KIF6: variants seen among roughly 807,000 people sequenced by gnomAD.
The protein encoded by KIF6 is kinesin-like protein KIF6.
In KIF6, 106 loss-of-function variants were observed where a neutral mutation model predicts 112.7. The ratio of observed to expected loss-of-function variants is 0.94; its 90% CI spans 0.80 to 1.11. KIF6 has a LOEUF of 1.11. KIF6 is among the 50% of genes least tolerant of loss of function. The pLI is 0.00. For missense variants in KIF6, 929 were observed against 964.0 expected (o/e 0.96, Z 0.48); for synonymous variants, 339 against 339.9 (o/e 1.00, Z 0.03).
intron 3 of KIF6, among the ~76,000 whole-genome samples, chr6:39,645,034 T>C (rs7768177): frequency 3.3e-4 from 51 of 152,284 alleles, no homozygotes; most frequent in African/African-American, 1.1e-3. Flanking sequence ...CTTCCTAAAA[T>C]CAACAATGCA....
intron 10 of KIF6, among the ~76,000 whole-genome samples, chr6:39,573,790 T>A (rs1401259401): frequency 6.6e-6 from 1 of 152,240 alleles, no homozygotes; most frequent in Non-Finnish European, 1.5e-5. Context: ...TATCTTCTCA[T>A]AATGTTTATA....
chr6:39,560,457 G>A (rs759997314), intron 10 of KIF6, among the ~76,000 whole-genome samples: 1 of 152,126 alleles, frequency 6.6e-6, no homozygotes, highest in African/African-American at 2.4e-5. Context: ...ATCTGTTTAC[G>A]CATCTTTAAA....
intron 3 of KIF6, among the ~76,000 whole-genome samples, chr6:39,698,346 G>T (rs370131793): frequency 4.6e-5 from 7 of 152,114 alleles, no homozygotes; most frequent in African/African-American, 1.7e-4. Flanking sequence ...ATTTAAAAAG[G>T]ATACTGCCTA....
At chr6:39,575,334 G>C (rs546090503) in intron 10 of KIF6, among the ~76,000 whole-genome samples, 1 of 151,402 alleles carries the variant, frequency 6.6e-6, no homozygotes, top group Non-Finnish European at 1.5e-5. Flanking sequence ...GCAGTGGCGC[G>C]ATCTCGGCTC....
chr6:39,405,928 A>T (rs1051339985), intron 15 of KIF6, among the ~76,000 whole-genome samples: 29 of 152,198 alleles, frequency 1.9e-4, no homozygotes, highest in African/African-American at 6.8e-4. Flanking sequence ...GTGACTTTCA[A>T]GGAATTTGTC....
Position 39,357,368 on chromosome 6 carries a change from A to AAT in KIF6, c.2087_2088dup (p.Ser697IlefsTer5). The AAT allele has an allele frequency of 6.2e-7, 1 of 1,611,192 alleles. No homozygotes were observed. Among genetic ancestry groups the AAT allele is most frequent in the Non-Finnish European group, 8.5e-7 (1 of 1,177,710 alleles). On this transcript the variant is annotated frameshift_variant, in exon 19 of 23. Transcript: ENST00000287152. LOFTEE classifies it high-confidence loss of function. ...TGATCGAGTGAATTCACTGCTGGAG[A>AAT]ATTTACCTGTTGGCCCCAGAAGGAG...
chr6:39,510,644 G>T (rs972552181), intron 13 of KIF6, among the ~76,000 whole-genome samples: 8 of 152,048 alleles, frequency 5.3e-5, no homozygotes, highest in African/African-American at 1.7e-4. Context: ...CAATTAATAG[G>T]CAAAATAACC....
Position 39,520,863 on chromosome 6 carries a change from G to A in KIF6, c.1645+19140C>T, listed in dbSNP as rs114920418. Among the ~76,000 whole-genome samples, 545 of 152,186 alleles carry A rather than the reference G, an allele frequency of 3.6e-3. 2 individuals carry two copies. Among genetic ancestry groups the A allele is most frequent in the Non-Finnish European group, 7.0e-3 (475 of 68,014 alleles). On this transcript the variant is annotated intron_variant, in intron 13 of 22. Transcript: ENST00000287152. Reference sequence around the variant, plus strand: ...TAATAAATATTGATAACATAATCACGAACACGAAAACCAGCTAGACCTAAC... The same window carrying A: ...TAATAAATATTGATAACATAATCACAAACACGAAAACCAGCTAGACCTAAC...
intron 16 of KIF6, among the ~76,000 whole-genome samples, chr6:39,384,920 A>G (rs1002121301): frequency 6.6e-6 from 1 of 152,196 alleles, no homozygotes; most frequent in Non-Finnish European, 1.5e-5. Flanking sequence ...GTCACATATC[A>G]AAAAAGGGTG....
intron 12 of KIF6, among the ~76,000 whole-genome samples, chr6:39,542,553 T>C (rs983896296): frequency 6.6e-6 from 1 of 152,236 alleles, no homozygotes; most frequent in African/African-American, 2.4e-5. Flanking sequence ...GTCTTAGCCT[T>C]CTGGGTTCTA....
At position 39,343,313 on chromosome 6, in the gene KIF6, G is replaced by C; in HGVS notation, c.2428+396C>G. On this transcript the variant is annotated intron_variant, in intron 22 of 22. Transcript: ENST00000287152. The surrounding 1 kb of genome is among the most constrained non-coding windows in gnomAD (Gnocchi z 4.1). The stretch of plus-strand genomic sequence containing the variant: ...TGGCAAGAACCACACTCTGATAGGG[G>C]AGTGAGACTTTAAGCCAGGGGTTCA... 1 of 1,294,588 alleles carries C rather than the reference G, an allele frequency of 7.7e-7. No homozygotes were observed. Among genetic ancestry groups the C allele is most frequent in the Non-Finnish European group, 1.0e-6 (1 of 992,134 alleles). 80.2% of individuals were successfully genotyped at this position (1,294,588 alleles called of 1,614,324 possible).
intron 3 of KIF6, among the ~76,000 whole-genome samples, chr6:39,686,473 A>C (rs1017384885): frequency 1.4e-5 from 2 of 140,938 alleles, no homozygotes; most frequent in Non-Finnish European, 3.2e-5. Context: ...TTTATTTCAG[A>C]ATAAGTCTTA....
rs1370936848 is a variant in KIF6 at position 39,703,083 on chromosome 6, C to CG, written c.251+11608_251+11609insC. Among the ~76,000 whole-genome samples, 229 of 47,682 alleles carry CG rather than the reference C, an allele frequency of 4.8e-3. 18 individuals are homozygous for CG. Among genetic ancestry groups the CG allele is most frequent in the Non-Finnish European group, 0.011 (168 of 15,510 alleles). The allele number at this position is 47,682 out of a possible 152,430, so 31.3% of individuals were successfully genotyped here. A position where few individuals can be genotyped will look rare whatever the true frequency, so the allele number is the denominator to read the frequency against. On this transcript the variant is annotated intron_variant, in intron 3 of 22. Coordinates refer to ENST00000287152, the MANE Select transcript of KIF6 (RefSeq NM_145027.6). The stretch of plus-strand genomic sequence containing the variant: ...CAAGACAAAATCCACCAACCCCCCA[C>CG]CCCCACTCCCGGCCACCAAGACAAA...
intron 13 of KIF6, among the ~76,000 whole-genome samples, chr6:39,514,852 A>AAT (rs1776984307): frequency 6.6e-6 from 1 of 152,350 alleles, no homozygotes; most frequent in South Asian, 2.1e-4. Context: ...AATGGAAAAT[A>AAT]ATATAACACT....
chr6:39,338,442 C>T (rs974907371), intron 22 of KIF6, among the ~76,000 whole-genome samples: 1 of 152,196 alleles, frequency 6.6e-6, no homozygotes, highest in East Asian at 1.9e-4. Context: ...CTCTGGCAGG[C>T]CTTGCTGTTT....
chr6:39,376,674 C>T (rs1169748348), intron 16 of KIF6, among the ~76,000 whole-genome samples: 4 of 152,216 alleles, frequency 2.6e-5, no homozygotes, highest in Non-Finnish European at 5.9e-5. Context: ...ACAGACTAAT[C>T]ATCACTGTCT....
chr6:39,513,354 C>T lies in KIF6; in HGVS notation c.1645+26649G>A, dbSNP rs182314439. On this transcript the variant is annotated intron_variant, in intron 13 of 22. Coordinates refer to ENST00000287152, the MANE Select transcript of KIF6 (RefSeq NM_145027.6). ...GTAGGAGGTAATGGCAGGCTGATTA[C>T]TTCTACATGCTCAGTCCCCACTCAC... 2.5e-3 allele frequency among the ~76,000 whole-genome samples: 387 copies of T among 152,304 alleles called. 8 individuals carry two copies. Among genetic ancestry groups the T allele is most frequent in the South Asian group, 0.016 (79 of 4,826 alleles).
chr6:39,647,970 C>CA (rs1785260566), intron 3 of KIF6, among the ~76,000 whole-genome samples: 2 of 150,898 alleles, frequency 1.3e-5, no homozygotes, highest in South Asian at 4.2e-4. Context: ...CTCAACCTCT[C>CA]AAAGTGCTGG....
intron 22 of KIF6, among the ~76,000 whole-genome samples, chr6:39,337,173 T>TTCTTTCTC (rs1763020447): frequency 5.1e-5 from 1 of 19,576 alleles, no homozygotes; most frequent in South Asian, 1.5e-3. Flanking sequence ...CTTTCCTTCC[T>TTCTTTCTC]TCTTTCTTTC....
Sources: gnomAD v4.1 joint callset for allele counts (sites outside exome capture counted in the v4.1 genomes callset) on GRCh38, gnomAD v4.1.1 for gene constraint, Gnocchi (gnomAD v3.1) non-coding constraint, MANE v1.5 for transcripts, NCBI Gene and HGNC (gene_info 2026-07-23, HGNC 2026-07-21) for gene names.